PTCHD4: variants seen among roughly 807,000 people sequenced by gnomAD.
PTCHD4 encodes patched domain containing 4.
A neutral mutation model predicts 58.1 loss-of-function variants in PTCHD4; 33 were observed. That is an observed-to-expected ratio of 0.57 (90% CI 0.43 to 0.76). The LOEUF is 0.76. Ranked by LOEUF, PTCHD4 falls within the 30% of genes least tolerant of loss-of-function variation. The pLI, the probability that PTCHD4 is intolerant of heterozygous loss-of-function variation, is 0.00. For synonymous variants in PTCHD4, 478 were observed against 409.6 expected (o/e 1.17, Z -2.02); for missense variants, 1,058 against 1,027.1 (o/e 1.03, Z -0.41).
chr6:47,869,867 G>C lies in PTCHD4; in HGVS notation c.*8436C>G, dbSNP rs550977262. Among the ~76,000 whole-genome samples, 8 of 151,538 alleles carry C rather than the reference G, an allele frequency of 5.3e-5. No individual in the cohort carries two copies. The highest frequency in any genetic ancestry group is 1.9e-4 in the African/African-American group (8 of 41,350). ...TTAGCCTAGAATTAAAAGGTAGCAT[G>C]CTCGAAGTTCTCACTGAGGTTAGAG... On this transcript the variant is annotated 3_prime_UTR_variant, in exon 5 of 5. Transcript: ENST00000339488.
At chr6:48,028,529 T>C (rs1763330110) in intron 3 of PTCHD4, among the ~76,000 whole-genome samples, 1 of 152,112 alleles carries the variant, frequency 6.6e-6, no homozygotes, top group South Asian at 2.1e-4. Context: ...AAAGACAATA[T>C]CAAAAGTGCA....
chr6:48,044,176 A>G (rs1763951331), intron 3 of PTCHD4, among the ~76,000 whole-genome samples: 1 of 151,682 alleles, frequency 6.6e-6, no homozygotes, highest in Non-Finnish European at 1.5e-5. Flanking sequence ...GAACTGAGCA[A>G]TTTTTTTGCA....
chr6:48,099,762 G>A (rs1765558584), intron 1 of PTCHD4, among the ~76,000 whole-genome samples: 1 of 152,210 alleles, frequency 6.6e-6, no homozygotes, highest in Admixed American at 6.5e-5. Context: ...TGTGAATGGA[G>A]CTTTCTGAAT....
chr6:48,065,696 G>A (rs1481401630), intron 3 of PTCHD4, among the ~76,000 whole-genome samples: 1 of 152,166 alleles, frequency 6.6e-6, no homozygotes, highest in African/African-American at 2.4e-5. Context: ...GCATGAGATT[G>A]TGTTTGAACA....
At chr6:47,969,488 TCCTA>T (rs1035508191) in intron 4 of PTCHD4, among the ~76,000 whole-genome samples, 72 of 152,200 alleles carry the variant, frequency 4.7e-4, no homozygotes, top group African/African-American at 1.6e-3. Flanking sequence ...AATTTATACT[TCCTA>T]CCTATCATAT....
In PTCHD4 at chr6:47,863,753, T is replaced by C. The variant is rs1360454938; in HGVS notation, c.*14550A>G. On this transcript the variant is annotated 3_prime_UTR_variant, in exon 5 of 5. Coordinates refer to ENST00000339488, the MANE Select transcript of PTCHD4 (RefSeq NM_001384253.1). The stretch of plus-strand genomic sequence containing the variant: ...ACTTCTCTGAAAATGACACATTCTT[T>C]TATACTCTACGCCTTGGTTCCATGT... Among the ~76,000 whole-genome samples the C allele has an allele frequency of 6.6e-6, 1 of 151,954 alleles. No individual in the cohort carries two copies. The highest frequency in any genetic ancestry group is 1.9e-4 in the East Asian group (1 of 5,148).
rs1372567875 is a variant in PTCHD4 at position 48,068,564 on chromosome 6, C to T, written c.83G>A (p.Cys28Tyr). The change falls in exon 3 of 5, where the codon TGC (cysteine) becomes TAC (tyrosine). Residue 28 changes from cysteine to tyrosine, a missense_variant. Cys to Tyr is a radical substitution (Grantham distance 194). Coordinates refer to ENST00000339488, the MANE Select transcript of PTCHD4 (RefSeq NM_001384253.1). This position sits in a 1 kb window ranked among gnomAD's most constrained non-coding sequence, Gnocchi z 4.2. ...GCTCACGCACAAACCCAGCCTGTGG[C>T]AGAACGACTGGAGCCCTCTGCGAAG... The part of the protein sequence containing the change: ...QVLRRGLQSF[C>Y]HRLGLCVSRH... 2 of 1,592,318 alleles carry T rather than the reference C, an allele frequency of 1.3e-6. No homozygotes were observed.
chr6:47,915,836 G>T (rs1287117641), intron 4 of PTCHD4, among the ~76,000 whole-genome samples: 2 of 152,060 alleles, frequency 1.3e-5, no homozygotes, highest in Non-Finnish European at 2.9e-5. Context: ...AGTAACAAAG[G>T]CTGCAAGATA....
intron 3 of PTCHD4, among the ~76,000 whole-genome samples, chr6:48,037,242 T>C (rs967174709): frequency 6.6e-6 from 1 of 152,184 alleles, no homozygotes; most frequent in African/African-American, 2.4e-5. Context: ...CATTGTTCTC[T>C]TTTATTATTA....
At chr6:47,883,018 A>G (rs1298408117) in intron 4 of PTCHD4, among the ~76,000 whole-genome samples, 1 of 151,818 alleles carries the variant, frequency 6.6e-6, no homozygotes, top group Non-Finnish European at 1.5e-5. Flanking sequence ...GGGTCCAAAA[A>G]TAGATCTTTT....
chr6:47,907,165 G>A (rs1764915259), intron 4 of PTCHD4, among the ~76,000 whole-genome samples: 1 of 152,184 alleles, frequency 6.6e-6, no homozygotes, highest in Non-Finnish European at 1.5e-5. Flanking sequence ...GGAAATGACT[G>A]TACTCGGAAC....
chr6:48,008,899 G>A lies in PTCHD4; in HGVS notation c.633C>T (p.Leu211=). 6.2e-7 allele frequency: 1 copy of A among 1,614,008 alleles called. No individual in the cohort carries two copies. Among genetic ancestry groups the A allele is most frequent in the South Asian group, 1.1e-5 (1 of 91,088 alleles). The change falls in exon 4 of 5, where the codon CTC becomes CTT. Residue 211 remains leucine (L), a synonymous_variant. Coordinates refer to ENST00000339488, the MANE Select transcript of PTCHD4 (RefSeq NM_001384253.1). ...KLQEEHQELQ[L]YSLASFSLWR... ...AGAGGCTAAAGGATGCTAAAGAGTA[G>A]AGCTGGAGTTCTTGATGCTCCTCCT... is the stretch of plus-strand genomic sequence containing the variant.
intron 1 of PTCHD4, among the ~76,000 whole-genome samples, chr6:48,107,538 G>A (rs1765758559): frequency 1.3e-5 from 2 of 151,944 alleles, no homozygotes; most frequent in South Asian, 4.1e-4. Context: ...ACATAGGCAT[G>A]GGCAAGGACT....
chr6:47,927,604 G>T (rs1200609488), intron 4 of PTCHD4, among the ~76,000 whole-genome samples: 1 of 152,036 alleles, frequency 6.6e-6, no homozygotes, highest in Non-Finnish European at 1.5e-5. Context: ...TAAAACTTAG[G>T]ACTTGAGGTC....
chr6:47,940,823 A>T (rs1280696169), intron 4 of PTCHD4, among the ~76,000 whole-genome samples: 1 of 152,166 alleles, frequency 6.6e-6, no homozygotes, highest in Non-Finnish European at 1.5e-5. Flanking sequence ...TCTTGATCCC[A>T]TTTAAAGAGG....
intron 1 of PTCHD4, among the ~76,000 whole-genome samples, chr6:48,074,173 C>T (rs780498123): frequency 6.6e-6 from 1 of 151,764 alleles, no homozygotes; most frequent in Non-Finnish European, 1.5e-5. Context: ...CGAGATATAA[C>T]GTTTTACATT....
chr6:48,036,955 A>C (rs1213073171), intron 3 of PTCHD4, among the ~76,000 whole-genome samples: 1 of 152,158 alleles, frequency 6.6e-6, no homozygotes, highest in Non-Finnish European at 1.5e-5. Context: ...AATGCATTCT[A>C]TTGATGGCAA....
rs1412840849 is a variant in PTCHD4, at chr6:48,068,849, G to T, written c.5+104C>A. Among the ~76,000 whole-genome samples, 1 of 151,760 alleles carries T rather than the reference G, an allele frequency of 6.6e-6. No homozygotes were observed. Among genetic ancestry groups the T allele is most frequent in the African/African-American group, 2.4e-5 (1 of 41,330 alleles). ...ACACTGCAGCAAGTTGCAGCAAGGCGGGCAAATACCGACAGCGCGCGTGGG... is the reference window on the plus strand; with the variant it reads ...ACACTGCAGCAAGTTGCAGCAAGGCTGGCAAATACCGACAGCGCGCGTGGG... On this transcript the variant is annotated intron_variant, in intron 2 of 4. Transcript: ENST00000339488. The surrounding 1 kb of genome is among the most constrained non-coding windows in gnomAD (Gnocchi z 4.2).
chr6:47,923,758 G>A (rs1486452449), intron 4 of PTCHD4, among the ~76,000 whole-genome samples: 1 of 152,158 alleles, frequency 6.6e-6, no homozygotes, highest in Non-Finnish European at 1.5e-5. Flanking sequence ...TTATTTGTTG[G>A]ACATAAAAAT....
Sources: gnomAD v4.1 joint callset for allele counts (sites outside exome capture counted in the v4.1 genomes callset) on GRCh38, gnomAD v4.1.1 for gene constraint, Gnocchi (gnomAD v3.1) non-coding constraint, MANE v1.5 for transcripts, NCBI Gene and HGNC (gene_info 2026-07-23, HGNC 2026-07-21) for gene names.